Variants in TACR2 observed in about 807,000 individuals in gnomAD.
TACR2 encodes the protein substance-K receptor.
Under a neutral mutation model 28.9 loss-of-function variants are expected in TACR2, and 24 were observed. The ratio of observed to expected loss-of-function variants is 0.83; its 90% CI spans 0.60 to 1.17. The LOEUF (loss-of-function observed/expected upper bound fraction) is 1.17. TACR2 is among the 50% of genes most tolerant of loss of function. TACR2 has a pLI of 0.00. For missense variants in TACR2, 487 were observed against 524.4 expected, an observed-to-expected ratio of 0.93 and a Z score of 0.70; for synonymous variants, 222 against 212.6, an observed-to-expected ratio of 1.04 and a Z score of -0.38.
chr10:69,409,459 CTA>C (rs1840540650), intron 2 of TACR2, among the ~76,000 whole-genome samples: 1 of 152,180 alleles, frequency 6.6e-6, no homozygotes, highest in Admixed American at 6.5e-5. Flanking sequence ...TTAACATTAA[CTA>C]TTAATATCTG....
At chr10:69,407,052 G>T (rs1326385567) in intron 4 of TACR2, 32 bp downstream of exon 4, 1 of 1,610,948 alleles carries the variant, frequency 6.2e-7, no homozygotes, top group Non-Finnish European at 8.5e-7. Flanking sequence ...GGGGCCCTGA[G>T]GGCAGAGGGT....
intron 2 of TACR2, among the ~76,000 whole-genome samples, chr10:69,411,311 C>G (rs559918985): frequency 3.7e-4 from 56 of 152,334 alleles, no homozygotes; most frequent in African/African-American, 1.1e-3. Context: ...CCAACTCTAT[C>G]TTGCTTCTAA....
intron 1 of TACR2, 140 bp downstream of exon 1, chr10:69,415,792 T>C: frequency 9.8e-7 from 1 of 1,017,176 alleles, no homozygotes; most frequent in Non-Finnish European, 1.4e-6. Flanking sequence ...GATTCATAGT[T>C]TTGGACCATG....
chr10:69,409,882 CATATATACAT>C (rs1840548358), intron 2 of TACR2, among the ~76,000 whole-genome samples: 1 of 113,186 alleles, frequency 8.8e-6, no homozygotes, highest in Non-Finnish European at 1.8e-5. Context: ...TATATATATA[CATATATACAT>C]ATATATATAT....
rs1197260442 is a variant in TACR2 at position 69,416,638 on chromosome 10, C to A, written c.-315G>T. On this transcript the variant is annotated 5_prime_UTR_variant, in exon 1 of 5. Transcript: ENST00000373306. ...CAGAAAACACCCTTATAAATCAACCCCTTCGCTGAAGAGATGGAAGACAGA... is the reference window on the plus strand; with the variant it reads ...CAGAAAACACCCTTATAAATCAACCACTTCGCTGAAGAGATGGAAGACAGA... 4 of 262,340 alleles carry A rather than the reference C, an allele frequency of 1.5e-5. No homozygotes were observed. In the East Asian group the frequency reaches 2.9e-4, roughly 19 times the overall value. The allele number at this position is 262,340 out of a possible 1,614,324, so 16.3% of individuals were successfully genotyped here.
intron 1 of TACR2, among the ~76,000 whole-genome samples, chr10:69,415,505 C>T (rs1840606485): frequency 6.6e-6 from 1 of 152,120 alleles, no homozygotes; most frequent in Non-Finnish European, 1.5e-5. Flanking sequence ...AATAATTGGC[C>T]CTATTAGATT....
At chr10:69,412,543 C>G (rs969553718) in intron 2 of TACR2, among the ~76,000 whole-genome samples, 1 of 152,172 alleles carries the variant, frequency 6.6e-6, no homozygotes, top group African/African-American at 2.4e-5. Context: ...TCATACCCGT[C>G]TACAGATTTA....
At chr10:69,411,273 T>C (rs577530345) in intron 2 of TACR2, among the ~76,000 whole-genome samples, 1 of 152,220 alleles carries the variant, frequency 6.6e-6, no homozygotes, top group African/African-American at 2.4e-5. Flanking sequence ...AACGAGGAAA[T>C]TACGACAGTG....
chr10:69,408,695 C>A (rs10823361), intron 3 of TACR2, among the ~76,000 whole-genome samples: 87,611 of 152,036 alleles, frequency 0.58, 26,056 homozygotes, highest in South Asian at 0.7. Flanking sequence ...CCAGACTTCG[C>A]GCGAAGGCAG....
In TACR2 at chr10:69,408,952, G is replaced by A. The variant is rs140571573; in HGVS notation, c.711C>T (p.Ala237=). 17 of 1,579,218 alleles carry A rather than the reference G, an allele frequency of 1.1e-5. No homozygotes were observed. The highest frequency in any genetic ancestry group is 1.8e-4 in the Middle Eastern group (1 of 5,540). The change falls in exon 3 of 5, where the codon GCC becomes GCT. Residue 237 remains alanine, a synonymous_variant. Coordinates refer to ENST00000373306, the MANE Select transcript of TACR2 (RefSeq NM_001057.3). ...TCATGGCCTGCAGGTGGCGCAGGTT[G>A]GCACCGTGCGCCTGATGTCCGGGCA... The part of the protein sequence containing the change: ...RAVPGHQAHG[A]NLRHLQAMKK...
intron 2 of TACR2, among the ~76,000 whole-genome samples, chr10:69,409,929 ATATATATATATAT>A (rs1840554489): frequency 3.8e-5 from 3 of 79,400 alleles, no homozygotes; most frequent in South Asian, 9.1e-4. Context: ...ATATATATAT[ATATATATATATAT>A]AATCTGTATC....
chr10:69,408,303 T>C (rs138340191), intron 3 of TACR2, among the ~76,000 whole-genome samples: 1 of 152,278 alleles, frequency 6.6e-6, no homozygotes, highest in Non-Finnish European at 1.5e-5. Flanking sequence ...GTCAGGCACC[T>C]TCTATAGTTC....
chr10:69,411,536 T>A (rs905783366), intron 2 of TACR2, among the ~76,000 whole-genome samples: 4 of 152,120 alleles, frequency 2.6e-5, no homozygotes, highest in African/African-American at 9.7e-5. Flanking sequence ...CTCCAAGAGT[T>A]TGAACCTCCC....
chr10:69,407,679 C>T (rs917985106), intron 3 of TACR2, among the ~76,000 whole-genome samples: 1 of 152,190 alleles, frequency 6.6e-6, no homozygotes, highest in Non-Finnish European at 1.5e-5. Flanking sequence ...AGGACGCCCC[C>T]TCTCTGGGAT....
intron 3 of TACR2, among the ~76,000 whole-genome samples, chr10:69,408,459 T>G (rs1840524058): frequency 6.6e-6 from 1 of 152,084 alleles, no homozygotes. Context: ...AGTTAATTTT[T>G]TTTTGTCTTT....
rs1840621165 is a variant in TACR2, at chr10:69,416,509, GC to G, written c.-187del. 2 of 683,930 alleles carry G rather than the reference GC, an allele frequency of 2.9e-6. No homozygotes were observed. Among genetic ancestry groups the G allele is most frequent in the Admixed American group, 6.2e-5 (2 of 32,308 alleles). 42.4% of individuals were successfully genotyped at this position (683,930 alleles called of 1,614,324 possible). On this transcript the variant is annotated 5_prime_UTR_variant, in exon 1 of 5. The change abolishes the stop of an existing upstream ORF in the 5' untranslated region. Coordinates refer to ENST00000373306, the MANE Select transcript of TACR2 (RefSeq NM_001057.3). ...CTCAGGCAAAGATGAGCTGGGCTGA[GC>G]ACAAAGCCCAGTCCAGAACCATTGT... is the stretch of plus-strand genomic sequence containing the variant.
At chr10:69,409,127 A>C in intron 2 of TACR2, 52 bp from the exon 3 acceptor site, 1 of 1,455,710 alleles carries the variant, frequency 6.9e-7, no homozygotes, top group Non-Finnish European at 9.1e-7. Context: ...GCGACTCCGA[A>C]GTCTGCCAGC....
chr10:69,409,912 T>C (rs75320495), intron 2 of TACR2, among the ~76,000 whole-genome samples: 80 of 23,800 alleles, frequency 3.4e-3, no homozygotes, highest in Middle Eastern at 0.025. Flanking sequence ...TACATATATA[T>C]ATATATATAT....
intron 2 of TACR2, among the ~76,000 whole-genome samples, chr10:69,413,380 G>A (rs1281859272): frequency 6.6e-6 from 1 of 152,204 alleles, no homozygotes; most frequent in Non-Finnish European, 1.5e-5. Flanking sequence ...GATGGAACTC[G>A]CTGTTCTCAG....
Sources: gnomAD v4.1 joint callset for allele counts (sites outside exome capture counted in the v4.1 genomes callset) on GRCh38, gnomAD v4.1.1 for gene constraint, MANE v1.5 for transcripts, NCBI Gene and HGNC (gene_info 2026-07-23, HGNC 2026-07-21) for gene names.